KIRREL3: variants seen among roughly 807,000 people sequenced by gnomAD.
The protein encoded by KIRREL3 is kirre like nephrin family adhesion molecule 3.
KIRREL3 carries 36 observed loss-of-function variants against 89.7 expected under a neutral mutation model. That is an observed-to-expected ratio of 0.40 (90% CI 0.31 to 0.53). KIRREL3 has a LOEUF of 0.53. KIRREL3 is among the 20% of genes least tolerant of loss of function. The pLI is 0.49. For synonymous variants in KIRREL3, 445 were observed against 441.4 expected, an observed-to-expected ratio of 1.01 and a Z score of -0.10; for missense variants, 864 against 1,056.6, an observed-to-expected ratio of 0.82 and a Z score of 2.53.
At chr11:126,871,885 T>G (rs1457693111) in intron 1 of KIRREL3, among the ~76,000 whole-genome samples, 2 of 152,186 alleles carry the variant, frequency 1.3e-5, no homozygotes, top group Non-Finnish European at 2.9e-5. Context: ...CCTGTCTTCA[T>G]GGGGCTTACA....
In KIRREL3 at chr11:126,462,397, G is replaced by A. The variant is rs775982341; in HGVS notation, c.742+760C>T. On this transcript the variant is annotated intron_variant, in intron 6 of 16. Coordinates refer to ENST00000525144, the MANE Select transcript of KIRREL3 (RefSeq NM_032531.4). This position sits in a 1 kb window ranked among gnomAD's most constrained non-coding sequence, Gnocchi z 4.8. ...AGATTAAATAAGGCCAGGCGAAGTG[G>A]CTCACATCTGTAATCCCAGCACTTT... is the stretch of plus-strand genomic sequence containing the variant. 1.3e-5 allele frequency among the ~76,000 whole-genome samples: 2 copies of A among 152,220 alleles called. No homozygotes were observed. Among genetic ancestry groups the A allele is most frequent in the Non-Finnish European group, 2.9e-5 (2 of 68,038 alleles).
At chr11:126,745,047 G>A (rs1365263007) in intron 1 of KIRREL3, among the ~76,000 whole-genome samples, 1 of 152,142 alleles carries the variant, frequency 6.6e-6, no homozygotes. Flanking sequence ...GGGAGACCCT[G>A]GTCACCACTG....
Position 126,795,543 on chromosome 11 carries a change from T to A in KIRREL3, c.55+204912A>T, listed in dbSNP as rs990348870. Among the ~76,000 whole-genome samples, 2 of 151,932 alleles carry A rather than the reference T, an allele frequency of 1.3e-5. No individual in the cohort carries two copies. The highest frequency in any genetic ancestry group is 2.4e-5 in the African/African-American group (1 of 41,368). On this transcript the variant is annotated intron_variant, in intron 1 of 16. Transcript: ENST00000525144. This position sits in a 1 kb window ranked among gnomAD's most constrained non-coding sequence, Gnocchi z 4.1. ...TGCCACCACACCTGGCTAATTTTTTTAAAATATATTTTTAGTAGAGACGGG... is the reference window on the plus strand; with the variant it reads ...TGCCACCACACCTGGCTAATTTTTTAAAAATATATTTTTAGTAGAGACGGG...
In KIRREL3 at chr11:126,981,844, G is replaced by C. The variant is rs899108542; in HGVS notation, c.55+18611C>G. ...GCCTGGAGGAGCCATCTGAGCTTCT[G>C]TAGCACACACTCCCTTGCTTGGGGG... is the stretch of plus-strand genomic sequence containing the variant. On this transcript the variant is annotated intron_variant, in intron 1 of 16. Coordinates refer to ENST00000525144, the MANE Select transcript of KIRREL3 (RefSeq NM_032531.4). The surrounding 1 kb of genome is among the most constrained non-coding windows in gnomAD (Gnocchi z 4.2). 2.6e-5 allele frequency among the ~76,000 whole-genome samples: 4 copies of C among 152,210 alleles called. No homozygotes were observed. Among genetic ancestry groups the C allele is most frequent in the Non-Finnish European group, 5.9e-5 (4 of 68,036 alleles).
chr11:126,699,302 G>T (rs1029133559), intron 1 of KIRREL3, among the ~76,000 whole-genome samples: 1 of 152,196 alleles, frequency 6.6e-6, no homozygotes, highest in Non-Finnish European at 1.5e-5. Context: ...CCCCAGAATT[G>T]CTGAGTGGAT....
intron 1 of KIRREL3, among the ~76,000 whole-genome samples, chr11:126,688,769 G>A (rs919050840): frequency 2.0e-5 from 3 of 152,136 alleles, no homozygotes; most frequent in African/African-American, 4.8e-5. Flanking sequence ...AGGGAAATGT[G>A]GGTATTTTAT....
intron 1 of KIRREL3, among the ~76,000 whole-genome samples, chr11:126,947,485 A>G (rs1173924734): frequency 2.0e-5 from 3 of 152,192 alleles, no homozygotes; most frequent in African/African-American, 4.8e-5. Flanking sequence ...GTCTTGGCGG[A>G]TTTAGAAACT....
intron 1 of KIRREL3, among the ~76,000 whole-genome samples, chr11:126,851,013 T>C (rs182764691): frequency 5.6e-4 from 85 of 152,318 alleles, no homozygotes; most frequent in Admixed American, 1.2e-3. Context: ...GTTCAGCCAA[T>C]TAATATGGTC....
At chr11:126,915,857 C>A (rs996941051) in intron 1 of KIRREL3, among the ~76,000 whole-genome samples, 10 of 152,128 alleles carry the variant, frequency 6.6e-5, no homozygotes, top group Admixed American at 1.3e-4. Flanking sequence ...TGAACCTAGT[C>A]TTGAAATGGG....
At position 126,892,435 on chromosome 11, in the gene KIRREL3, C is replaced by A. The variant is rs1184021177; in HGVS notation, c.55+108020G>T. Among the ~76,000 whole-genome samples, 3 of 152,014 alleles carry A rather than the reference C, an allele frequency of 2.0e-5. No individual in the cohort carries two copies. The highest frequency in any genetic ancestry group is 7.3e-5 in the African/African-American group (3 of 41,370). On this transcript the variant is annotated intron_variant, in intron 1 of 16. Coordinates refer to ENST00000525144, the MANE Select transcript of KIRREL3 (RefSeq NM_032531.4). This position sits in a 1 kb window ranked among gnomAD's most constrained non-coding sequence, Gnocchi z 5.4. ...CATTTAGGATATGCTCAGGAGGGGC[C>A]CTGGGAGAGGCACAAGTGGCAGCTT...
chr11:126,550,908 G>A lies in KIRREL3; in HGVS notation c.133+11927C>T, dbSNP rs921455681. Among the ~76,000 whole-genome samples the A allele has an allele frequency of 2.0e-5, 3 of 152,096 alleles. No individual in the cohort carries two copies. The highest frequency in any genetic ancestry group is 2.9e-5 in the Non-Finnish European group (2 of 68,012). ...GAGATAGTGTCAGATCCCACAGGCTGGGGGCTCAGTCCCCAAGACTTCCCC... is the reference window on the plus strand; with the variant it reads ...GAGATAGTGTCAGATCCCACAGGCTAGGGGCTCAGTCCCCAAGACTTCCCC... On this transcript the variant is annotated intron_variant, in intron 2 of 16. Coordinates refer to ENST00000525144, the MANE Select transcript of KIRREL3 (RefSeq NM_032531.4). The surrounding 1 kb of genome is among the most constrained non-coding windows in gnomAD (Gnocchi z 4.9).
rs1944429498 is a variant in KIRREL3 at position 126,640,553 on chromosome 11, C to T, written c.56-77641G>A. Among the ~76,000 whole-genome samples, 1 of 152,136 alleles carries T rather than the reference C, an allele frequency of 6.6e-6. No homozygotes were observed. Among genetic ancestry groups the T allele is most frequent in the Admixed American group, 6.5e-5 (1 of 15,270 alleles). On this transcript the variant is annotated intron_variant, in intron 1 of 16. Coordinates refer to ENST00000525144, the MANE Select transcript of KIRREL3 (RefSeq NM_032531.4). This position sits in a 1 kb window ranked among gnomAD's most constrained non-coding sequence, Gnocchi z 4.9. ...GCTTTTTCCTTCTGGGCTGCTTGTA[C>T]CTGAAATGTGTGGCGAAGAGGGTCC...
chr11:126,434,586 C>G (rs1478768753), intron 13 of KIRREL3, among the ~76,000 whole-genome samples: 3 of 152,198 alleles, frequency 2.0e-5, no homozygotes, highest in African/African-American at 7.2e-5. Flanking sequence ...GAGGACCACT[C>G]AAGTCTTCAG....
intron 1 of KIRREL3, among the ~76,000 whole-genome samples, chr11:126,638,757 T>A (rs1056956654): frequency 2.0e-5 from 3 of 152,146 alleles, no homozygotes; most frequent in Non-Finnish European, 4.4e-5. Context: ...ATTCATTTAG[T>A]GTAGGAACCT....
chr11:126,804,968 T>C (rs1312707294), intron 1 of KIRREL3, among the ~76,000 whole-genome samples: 1 of 152,128 alleles, frequency 6.6e-6, no homozygotes, highest in African/African-American at 2.4e-5. Context: ...GGCTCCACAA[T>C]CATTTTGGTT....
chr11:126,713,347 G>A (rs1373040948), intron 1 of KIRREL3, among the ~76,000 whole-genome samples: 1 of 152,246 alleles, frequency 6.6e-6, no homozygotes, highest in African/African-American at 2.4e-5. Context: ...CAAAGCAGGT[G>A]GGCCAAGGTG....
chr11:126,793,935 A>G (rs1323645792), intron 1 of KIRREL3, among the ~76,000 whole-genome samples: 2 of 152,226 alleles, frequency 1.3e-5, no homozygotes, highest in African/African-American at 4.8e-5. Context: ...TGAAAATCTG[A>G]AAAGTTATAT....
At chr11:126,919,469 G>T (rs1947182691) in intron 1 of KIRREL3, among the ~76,000 whole-genome samples, 1 of 152,208 alleles carries the variant, frequency 6.6e-6, no homozygotes, top group Non-Finnish European at 1.5e-5. Context: ...TGGCTGCAGT[G>T]AGGAATAACA....
chr11:126,749,306 C>T (rs989142503), intron 1 of KIRREL3, among the ~76,000 whole-genome samples: 1 of 152,190 alleles, frequency 6.6e-6, no homozygotes, highest in African/African-American at 2.4e-5. Context: ...TCTCCCGATA[C>T]GACTTATCTG....
Sources: allele counts gnomAD v4.1 joint callset (sites outside exome capture counted in the v4.1 genomes callset), GRCh38; gene constraint gnomAD v4.1.1; non-coding constraint Gnocchi (gnomAD v3.1); transcripts MANE v1.5; gene names NCBI Gene and HGNC (gene_info 2026-07-23, HGNC 2026-07-21).